The following UBASH3B variants were observed in gnomAD, a reference collection of about 807,000 sequenced individuals.
UBASH3B encodes ubiquitin-associated and SH3 domain-containing protein B.
In UBASH3B, 37 loss-of-function variants were observed where a neutral mutation model predicts 83.4. The ratio of observed to expected loss-of-function variants is 0.44; its 90% CI spans 0.34 to 0.58. The LOEUF (loss-of-function observed/expected upper bound fraction) is 0.58. Among genes scored for constraint, UBASH3B ranks in the 20% least tolerant of loss-of-function variants. The pLI is 0.01. For missense variants in UBASH3B, 657 were observed against 827.2 expected (o/e 0.79, Z 2.52); for synonymous variants, 304 against 318.3 (o/e 0.96, Z 0.48).
At chr11:122,679,924 A>C (rs938553040) in intron 1 of UBASH3B, among the ~76,000 whole-genome samples, 1 of 151,704 alleles carries the variant, frequency 6.6e-6, no homozygotes, top group African/African-American at 2.4e-5. Context: ...TCCGCCTCCC[A>C]AGTTCAAGTG....
intron 1 of UBASH3B, among the ~76,000 whole-genome samples, chr11:122,764,893 A>G (rs1363596869): frequency 3.3e-5 from 5 of 152,186 alleles, no homozygotes; most frequent in Non-Finnish European, 7.3e-5. Flanking sequence ...ACAGAAGAGA[A>G]AAAGGAAGCA....
rs1861154434 is a variant in UBASH3B at position 122,796,244 on chromosome 11, A to G, written c.1202A>G (p.Lys401Arg). ...GAGAGGATGGATGTTGTGTTTGGGA[A>G]GTACTGGCTGTCCCAGTGCTTCGAT... The part of the protein sequence containing the change: ...HGERMDVVFG[K>R]YWLSQCFDAK... Residue 401 changes from lysine (K) to arginine (R), a missense_variant, in exon 8 of 14, where the codon AAG (lysine) becomes AGG (arginine). Physicochemically the swap from Lys to Arg is conservative, Grantham distance 26 (BLOSUM62 2). Coordinates refer to ENST00000284273, the MANE Select transcript of UBASH3B (RefSeq NM_032873.5). 2.5e-6 allele frequency: 4 copies of G among 1,614,172 alleles called. No individual in the cohort carries two copies. Among genetic ancestry groups the G allele is most frequent in the Non-Finnish European group, 3.4e-6 (4 of 1,180,000 alleles).
intron 1 of UBASH3B, among the ~76,000 whole-genome samples, chr11:122,753,502 T>C (rs1183097101): frequency 2.7e-5 from 4 of 148,712 alleles, no homozygotes; most frequent in African/African-American, 7.4e-5. Context: ...TCTTTCTTTT[T>C]TTTTTTTTTT....
At chr11:122,729,141 A>T (rs1336298012) in intron 1 of UBASH3B, among the ~76,000 whole-genome samples, 1 of 152,176 alleles carries the variant, frequency 6.6e-6, no homozygotes, top group Non-Finnish European at 1.5e-5. Context: ...TCCTGGGAGG[A>T]CTGGGAGGCT....
rs187554237 is a variant in UBASH3B, at chr11:122,712,443, G to A, written c.161+56233G>A. ...CCTTGGTGGGGGACGCACGTCACAC[G>A]AGAGGGGCTTTCTCAGCAGCCCAAA... On this transcript the variant is annotated intron_variant, in intron 1 of 13. Coordinates refer to ENST00000284273, the MANE Select transcript of UBASH3B (RefSeq NM_032873.5). Among the ~76,000 whole-genome samples the A allele has an allele frequency of 2.4e-3, 367 of 152,112 alleles. 2 individuals carry two copies. The highest frequency in any genetic ancestry group is 7.3e-3 in the African/African-American group (304 of 41,500).
chr11:122,722,631 T>G (rs1255015664), intron 1 of UBASH3B, among the ~76,000 whole-genome samples: 1 of 152,228 alleles, frequency 6.6e-6, no homozygotes, highest in African/African-American at 2.4e-5. Context: ...TGAAGTTACA[T>G]TCCTTAGAAA....
chr11:122,732,540 ATC>A (rs1565545228), intron 1 of UBASH3B, among the ~76,000 whole-genome samples: 3 of 152,166 alleles, frequency 2.0e-5, no homozygotes, highest in Non-Finnish European at 2.9e-5. Context: ...GCTGGACTTC[ATC>A]TTGCCTTAAG....
intron 1 of UBASH3B, among the ~76,000 whole-genome samples, chr11:122,690,328 G>T (rs1863879067): frequency 7.1e-6 from 1 of 141,442 alleles, no homozygotes. Flanking sequence ...ATATAATGAG[G>T]ATTCTATATT....
chr11:122,732,088 A>G (rs1406284682), intron 1 of UBASH3B, among the ~76,000 whole-genome samples: 1 of 152,210 alleles, frequency 6.6e-6, no homozygotes. Context: ...CTAGTCTCCC[A>G]AAGACAGACA....
intron 1 of UBASH3B, among the ~76,000 whole-genome samples, chr11:122,668,588 C>T (rs1863551783): frequency 1.3e-5 from 2 of 152,154 alleles, no homozygotes; most frequent in South Asian, 4.2e-4. Flanking sequence ...TAAGAACAAG[C>T]GATATTCTGC....
chr11:122,696,600 C>A (rs984394833), intron 1 of UBASH3B, among the ~76,000 whole-genome samples: 1 of 152,112 alleles, frequency 6.6e-6, no homozygotes, highest in Non-Finnish European at 1.5e-5. Context: ...AGCCACTGCA[C>A]CCAACCAATA....
chr11:122,666,539 C>T (rs541534688), intron 1 of UBASH3B, among the ~76,000 whole-genome samples: 1 of 152,026 alleles, frequency 6.6e-6, no homozygotes, highest in South Asian at 2.1e-4. Context: ...CTGCCTCAGC[C>T]TCCTGAGTAG....
intron 1 of UBASH3B, among the ~76,000 whole-genome samples, chr11:122,751,475 G>A (rs1365409541): frequency 6.6e-6 from 1 of 152,214 alleles, no homozygotes; most frequent in East Asian, 1.9e-4. Flanking sequence ...CTGGCAGCCT[G>A]GCCAGCAGCC....
intron 1 of UBASH3B, among the ~76,000 whole-genome samples, chr11:122,696,253 A>G (rs1032167998): frequency 2.6e-5 from 4 of 151,610 alleles, no homozygotes; most frequent in Non-Finnish European, 5.9e-5. Flanking sequence ...CCCGGCCCCA[A>G]ATAGTTTTTA....
intron 1 of UBASH3B, among the ~76,000 whole-genome samples, chr11:122,707,152 C>T (rs1180356762): frequency 6.6e-6 from 1 of 152,124 alleles, no homozygotes; most frequent in Admixed American, 6.5e-5. Flanking sequence ...ACAATCCACC[C>T]CCGCCTACCC....
chr11:122,761,671 T>C (rs1861372150), intron 1 of UBASH3B, among the ~76,000 whole-genome samples: 1 of 151,890 alleles, frequency 6.6e-6, no homozygotes. Context: ...TAGCTGATTC[T>C]AGTGGGTTAG....
chr11:122,800,052 CAGGGACTATTTCT>C (rs1454527945), intron 10 of UBASH3B, among the ~76,000 whole-genome samples: 1 of 152,190 alleles, frequency 6.6e-6, no homozygotes, highest in African/African-American at 2.4e-5. Flanking sequence ...GATAACTAAG[CAGGGACTATTTCT>C]AGGAAGCCAG....
At chr11:122,722,710 CTT>C (rs35917085) in intron 1 of UBASH3B, among the ~76,000 whole-genome samples, 2 of 146,424 alleles carry the variant, frequency 1.4e-5, no homozygotes, top group African/African-American at 2.5e-5. Flanking sequence ...TCTGGTATTT[CTT>C]TTTTTTTTTT....
chr11:122,779,821 A>T, intron 4 of UBASH3B, 126 bp downstream of exon 4: 1 of 1,141,760 alleles, frequency 8.8e-7, no homozygotes, highest in Non-Finnish European at 1.2e-6. Flanking sequence ...GCAGGAATGG[A>T]CGTGTGACAA....
Sources: allele counts gnomAD v4.1 joint callset (sites outside exome capture counted in the v4.1 genomes callset), GRCh38; gene constraint gnomAD v4.1.1; transcripts MANE v1.5; gene names NCBI Gene and HGNC (gene_info 2026-07-23, HGNC 2026-07-21).